Variants in MRRF observed in about 807,000 individuals in gnomAD.
MRRF encodes mitochondrial ribosome recycling factor.
MRRF carries 18 observed loss-of-function variants against 25.1 expected under a neutral mutation model. That is an observed-to-expected ratio of 0.72 (90% CI 0.50 to 1.06). MRRF has a LOEUF of 1.06. MRRF is among the 50% of genes least tolerant of loss of function. MRRF has a pLI of 0.00. For missense variants in MRRF, 323 were observed against 319.3 expected (o/e 1.01, Z -0.09); for synonymous variants, 113 against 112.1 (o/e 1.01, Z -0.05).
chr9:122,321,022 A>C (rs770847895), intron 6 of MRRF, among the ~76,000 whole-genome samples: 7 of 152,250 alleles, frequency 4.6e-5, no homozygotes, highest in African/African-American at 1.2e-4. Flanking sequence ...AAGCACAAAA[A>C]ACTTTAATAA....
chr9:122,288,542 TTTG>T (rs1165951543), intron 4 of MRRF, among the ~76,000 whole-genome samples: 1 of 152,252 alleles, frequency 6.6e-6, no homozygotes, highest in African/African-American at 2.4e-5. Flanking sequence ...TCACCATTCG[TTTG>T]TTAATTCAGC....
Position 122,330,044 on chromosome 9 carries a change from G to GTTTCTAGACATC in MRRF, c.*7430_*7441dup, listed in dbSNP as rs1284673949. The GTTTCTAGACATC allele has an allele frequency of 6.6e-6, 1 of 152,274 alleles. No homozygotes were observed. The highest frequency in any genetic ancestry group is 1.5e-5 in the Non-Finnish European group (1 of 68,100). The allele number at this position is 152,274 out of a possible 1,614,324, so 9.4% of individuals were successfully genotyped here. A position where few individuals can be genotyped will look rare whatever the true frequency, so the allele number is the denominator to read the frequency against. On this transcript the variant is annotated 3_prime_UTR_variant, in exon 7 of 7. Transcript: ENST00000344641. This position sits in a 1 kb window ranked among gnomAD's most constrained non-coding sequence, Gnocchi z 4.2. ...CTCATCTGCTAAGTCGGCCTCAGGC[G>GTTTCTAGACATC]TTTCTAGACATCTTAAGGGACCGCA...
At chr9:122,299,071 G>A (rs1240554381) in intron 5 of MRRF, among the ~76,000 whole-genome samples, 1 of 152,068 alleles carries the variant, frequency 6.6e-6, no homozygotes. Flanking sequence ...CCATGTGCCT[G>A]TAGCAGAGTG....
chr9:122,308,302 G>T (rs1834987594), intron 5 of MRRF, among the ~76,000 whole-genome samples: 1 of 151,624 alleles, frequency 6.6e-6, no homozygotes, highest in African/African-American at 2.4e-5. Context: ...TTTGTATATT[G>T]CTGTCTACAC....
At chr9:122,301,440 G>A (rs1217246225) in intron 5 of MRRF, among the ~76,000 whole-genome samples, 3 of 152,172 alleles carry the variant, frequency 2.0e-5, no homozygotes, top group African/African-American at 7.2e-5. Context: ...AGTAGAAAGA[G>A]CTTTGTGCTT....
chr9:122,270,878 G>T lies in MRRF; in HGVS notation c.-14G>T. ...ATTCTTTTTAGTGGATGTTTCCAAG[G>T]ATTGTCTTCAGTCATGGCCTTGGGA... On this transcript the variant is annotated 5_prime_UTR_variant, in exon 2 of 7. Transcript: ENST00000344641. 3.7e-6 allele frequency: 6 copies of T among 1,613,696 alleles called. No homozygotes were observed. The highest frequency in any genetic ancestry group is 5.1e-6 in the Non-Finnish European group (6 of 1,179,620).
In MRRF at chr9:122,325,822, G is replaced by C. The variant is rs1369865807; in HGVS notation, c.*3205G>C. The C allele has an allele frequency of 6.7e-6, 1 of 149,904 alleles. No homozygotes were observed. Among genetic ancestry groups the C allele is most frequent in the Non-Finnish European group, 1.5e-5 (1 of 67,478 alleles). The allele number at this position is 149,904 out of a possible 1,614,324, so 9.3% of individuals were successfully genotyped here. On this transcript the variant is annotated 3_prime_UTR_variant, in exon 7 of 7. Coordinates refer to ENST00000344641, the MANE Select transcript of MRRF (RefSeq NM_138777.5). ...TATGTGTGTGTGTGTGTGTGTGTTCGTTTCATTTTGTTTTGCCTTTGAGAC... is the reference window on the plus strand; with the variant it reads ...TATGTGTGTGTGTGTGTGTGTGTTCCTTTCATTTTGTTTTGCCTTTGAGAC...
intron 1 of MRRF, among the ~76,000 whole-genome samples, chr9:122,265,932 C>T (rs3763649): frequency 0.095 from 14,476 of 152,270 alleles, 885 homozygotes; most frequent in East Asian, 0.17. Flanking sequence ...CCTGGTACTG[C>T]ATTTAGAGAA....
chr9:122,281,108 G>A (rs560593461), intron 3 of MRRF, among the ~76,000 whole-genome samples: 60 of 152,284 alleles, frequency 3.9e-4, no homozygotes, highest in African/African-American at 1.3e-3. Context: ...CCCACGTGAG[G>A]CATTTCTATA....
chr9:122,299,383 G>A (rs191691256), intron 5 of MRRF, among the ~76,000 whole-genome samples: 1 of 151,966 alleles, frequency 6.6e-6, no homozygotes, highest in African/African-American at 2.4e-5. Flanking sequence ...CCAAAGTGCT[G>A]GGATTACAGG....
chr9:122,265,914 T>A (rs981554262), intron 1 of MRRF: 5 of 445,856 alleles, frequency 1.1e-5, no homozygotes, highest in African/African-American at 1.0e-4. Flanking sequence ...TACAAGTACC[T>A]TTCTTTACCT....
In MRRF at chr9:122,326,786, A is replaced by G. The variant is rs1308554923; in HGVS notation, c.*4169A>G. 1 of 152,168 alleles carries G rather than the reference A, an allele frequency of 6.6e-6. No individual in the cohort carries two copies. The highest frequency in any genetic ancestry group is 1.5e-5 in the Non-Finnish European group (1 of 68,024). The allele number at this position is 152,168 out of a possible 1,614,324, so 9.4% of individuals were successfully genotyped here. On this transcript the variant is annotated 3_prime_UTR_variant, in exon 7 of 7. Coordinates refer to ENST00000344641, the MANE Select transcript of MRRF (RefSeq NM_138777.5). ...TGCTAGACCCTTTACACGTGTTCCC[A>G]CATTGAAACTTCTGATGAATCCTTG...
At chr9:122,284,214 A>G (rs1564482414) in intron 3 of MRRF, among the ~76,000 whole-genome samples, 1 of 152,132 alleles carries the variant, frequency 6.6e-6, no homozygotes, top group Non-Finnish European at 1.5e-5. Flanking sequence ...CTCCCTGGTG[A>G]TTCTGATGCA....
Position 122,328,282 on chromosome 9 carries a change from T to A in MRRF, c.*5665T>A, listed in dbSNP as rs1301129071. The stretch of plus-strand genomic sequence containing the variant: ...AGCTTCTGTGCCCAGCCTTAACCAT[T>A]TTAAGTGTACAGTTCAGTAGCATTT... On this transcript the variant is annotated 3_prime_UTR_variant, in exon 7 of 7. Coordinates refer to ENST00000344641, the MANE Select transcript of MRRF (RefSeq NM_138777.5). 1 of 152,184 alleles carries A rather than the reference T, an allele frequency of 6.6e-6. No homozygotes were observed. 9.4% of individuals were successfully genotyped at this position (152,184 alleles called of 1,614,324 possible).
At chr9:122,274,564 G>GTGTGTGTC (rs1832664868) in intron 2 of MRRF, among the ~76,000 whole-genome samples, 2 of 150,870 alleles carry the variant, frequency 1.3e-5, no homozygotes, top group African/African-American at 4.9e-5. Flanking sequence ...GTGTGTGTGT[G>GTGTGTGTC]TGTGTGTGTG....
chr9:122,275,151 A>G (rs925676812), intron 2 of MRRF, among the ~76,000 whole-genome samples: 1 of 151,160 alleles, frequency 6.6e-6, no homozygotes, highest in African/African-American at 2.4e-5. Context: ...AATCCAGAGT[A>G]TAATACAATA....
chr9:122,285,548 T>G, intron 4 of MRRF: 1 of 452,796 alleles, frequency 2.2e-6, no homozygotes, highest in South Asian at 2.1e-5. Context: ...GATGCAGTGA[T>G]TGGTGCTTGG....
Position 122,331,304 on chromosome 9 carries a change from T to C in MRRF, c.*8687T>C, listed in dbSNP as rs778502709. 6.6e-6 allele frequency: 1 copy of C among 152,234 alleles called. No individual in the cohort carries two copies. Among genetic ancestry groups the C allele is most frequent in the Admixed American group, 6.5e-5 (1 of 15,284 alleles). The allele number at this position is 152,234 out of a possible 1,614,324, so 9.4% of individuals were successfully genotyped here. A position where few individuals can be genotyped will look rare whatever the true frequency, so the allele number is the denominator to read the frequency against. Reference sequence around the variant, plus strand: ...CCTATTCTTAGAGCTTTCTCTTTTGTTTTTGGCATTAAAATATCCTTTCTA... The same window carrying C: ...CCTATTCTTAGAGCTTTCTCTTTTGCTTTTGGCATTAAAATATCCTTTCTA... On this transcript the variant is annotated 3_prime_UTR_variant, in exon 7 of 7. Transcript: ENST00000344641.
At chr9:122,309,117 A>G (rs146711932) in intron 5 of MRRF, among the ~76,000 whole-genome samples, 3 of 152,142 alleles carry the variant, frequency 2.0e-5, no homozygotes, top group Admixed American at 1.3e-4. Flanking sequence ...TAAGAACTTC[A>G]TGTAAGTGGA....
Sources: gnomAD v4.1 joint callset for allele counts (sites outside exome capture counted in the v4.1 genomes callset) on GRCh38, gnomAD v4.1.1 for gene constraint, Gnocchi (gnomAD v3.1) non-coding constraint, MANE v1.5 for transcripts, NCBI Gene and HGNC (gene_info 2026-07-23, HGNC 2026-07-21) for gene names.